PRKCH: variants seen among roughly 807,000 people sequenced by gnomAD.
PRKCH encodes the protein protein kinase C eta type.
In PRKCH, 28 loss-of-function variants were observed where a neutral mutation model predicts 82.5. The ratio of observed to expected loss-of-function variants is 0.34; its 90% CI spans 0.25 to 0.47. The LOEUF is 0.47. Ranked by LOEUF, PRKCH falls within the 20% of genes least tolerant of loss-of-function variation. The pLI is 1.00. For synonymous variants in PRKCH, 322 were observed against 327.4 expected, an observed-to-expected ratio of 0.98 and a Z score of 0.18; for missense variants, 705 against 881.8, an observed-to-expected ratio of 0.80 and a Z score of 2.54.
At chr14:61,269,413 T>A (rs1420041595) in intron 1 of PRKCH, among the ~76,000 whole-genome samples, 1 of 152,186 alleles carries the variant, frequency 6.6e-6, no homozygotes, top group Non-Finnish European at 1.5e-5. Context: ...GTTTGTTACA[T>A]AGGTAAACTC....
intron 10 of PRKCH, among the ~76,000 whole-genome samples, chr14:61,510,721 C>A (rs759528963): frequency 1.3e-5 from 2 of 152,012 alleles, no homozygotes; most frequent in Non-Finnish European, 2.9e-5. Flanking sequence ...GACTCAACTG[C>A]AAGGTAAAGT....
intron 1 of PRKCH, among the ~76,000 whole-genome samples, chr14:61,326,520 G>A (rs541996957): frequency 7.9e-5 from 12 of 152,302 alleles, no homozygotes; most frequent in African/African-American, 2.9e-4. Context: ...TGATTTCACA[G>A]TTATATACAT....
intron 7 of PRKCH, 71 bp downstream of exon 7, chr14:61,453,424 C>T: frequency 1.3e-6 from 2 of 1,509,602 alleles, no homozygotes; most frequent in East Asian, 4.6e-5. Flanking sequence ...CAAATGAGAG[C>T]ATGTGGCCTC....
rs563162608 is a variant in PRKCH, at chr14:61,328,198, C to T, written c.363+5734C>T. 5.0e-5 allele frequency among the ~76,000 whole-genome samples: 7 copies of T among 140,190 alleles called. No homozygotes were observed. The South Asian group carries it at 6.6e-4, about 13-fold the overall frequency. 92.0% of individuals were successfully genotyped at this position (140,190 alleles called of 152,430 possible). On this transcript the variant is annotated intron_variant, in intron 1 of 13. Coordinates refer to ENST00000332981, the MANE Select transcript of PRKCH (RefSeq NM_006255.5). ...CCGGGAAGCGGAGCTTGCAGTGAGC[C>T]GAGATTGCGCCACTGCGGTCCGCAG...
chr14:61,339,010 TACTTAC>T (rs2045894266), intron 1 of PRKCH, among the ~76,000 whole-genome samples: 1 of 152,206 alleles, frequency 6.6e-6, no homozygotes, highest in Non-Finnish European at 1.5e-5. Flanking sequence ...GCCTGAATGA[TACTTAC>T]GTTAAAAGGA....
intron 1 of PRKCH, among the ~76,000 whole-genome samples, chr14:61,357,394 AGTC>A (rs1434815388): frequency 3.3e-5 from 5 of 152,206 alleles, no homozygotes; most frequent in Non-Finnish European, 7.3e-5. Context: ...ACTTATGTGT[AGTC>A]ACAGTTATCT....
At chr14:61,284,800 A>AT (rs2045300262) in intron 1 of PRKCH, among the ~76,000 whole-genome samples, 1 of 152,218 alleles carries the variant, frequency 6.6e-6, no homozygotes, top group Non-Finnish European at 1.5e-5. Context: ...TCTAGTCCAA[A>AT]TACTGCTAAA....
At chr14:61,294,941 T>C (rs2045394267) in intron 1 of PRKCH, among the ~76,000 whole-genome samples, 1 of 152,260 alleles carries the variant, frequency 6.6e-6, no homozygotes, top group African/African-American at 2.4e-5. Context: ...GGTGCGATCT[T>C]GGCTCACTGC....
intron 2 of PRKCH, among the ~76,000 whole-genome samples, chr14:61,417,636 G>A (rs573090378): frequency 5.0e-4 from 76 of 152,184 alleles, no homozygotes; most frequent in African/African-American, 1.6e-3. Context: ...TTTTTCATTC[G>A]GAGACAGTGC....
At chr14:61,463,963 C>G (rs1183417318) in intron 9 of PRKCH, among the ~76,000 whole-genome samples, 1 of 152,232 alleles carries the variant, frequency 6.6e-6, no homozygotes, top group African/African-American at 2.4e-5. Flanking sequence ...TTTGTCCATT[C>G]ATCCACTGGT....
intron 1 of PRKCH, among the ~76,000 whole-genome samples, chr14:61,331,645 G>A (rs761693261): frequency 6.6e-6 from 1 of 152,230 alleles, no homozygotes; most frequent in Non-Finnish European, 1.5e-5. Context: ...TGTGACCTTA[G>A]GCAAGCGTCT....
At chr14:61,346,759 G>A (rs932352037) in intron 1 of PRKCH, among the ~76,000 whole-genome samples, 2 of 152,176 alleles carry the variant, frequency 1.3e-5, no homozygotes, top group Non-Finnish European at 2.9e-5. Flanking sequence ...ATGGGCAAAT[G>A]CTTCACATCT....
At chr14:61,356,041 A>G (rs750696858) in intron 1 of PRKCH, among the ~76,000 whole-genome samples, 1 of 152,140 alleles carries the variant, frequency 6.6e-6, no homozygotes, top group Non-Finnish European at 1.5e-5. Flanking sequence ...CACCCCTTTG[A>G]AGCATCCAGA....
In PRKCH at chr14:61,445,027, A is replaced by G. The variant is rs570916897; in HGVS notation, c.579-665A>G. ...TGGCTTTTTGTGAGGATTAAATGAA[A>G]TGGTATATATCAGCTGCTTGGTTCA... On this transcript the variant is annotated intron_variant, in intron 3 of 13. Coordinates refer to ENST00000332981, the MANE Select transcript of PRKCH (RefSeq NM_006255.5). 2.0e-5 allele frequency among the ~76,000 whole-genome samples: 3 copies of G among 152,316 alleles called. No homozygotes were observed. In the East Asian group the frequency reaches 5.8e-4, roughly 29 times the overall value.
chr14:61,419,346 A>G (rs1038198272), intron 2 of PRKCH, among the ~76,000 whole-genome samples: 1 of 152,204 alleles, frequency 6.6e-6, no homozygotes, highest in Admixed American at 6.5e-5. Flanking sequence ...ACAGAATCCA[A>G]ATACTGAAGG....
At chr14:61,516,244 A>G (rs368118568) in intron 10 of PRKCH, among the ~76,000 whole-genome samples, 1 of 152,154 alleles carries the variant, frequency 6.6e-6, no homozygotes, top group African/African-American at 2.4e-5. Context: ...TATATGGCAC[A>G]GGGCTCCAAA....
At chr14:61,507,403 T>C (rs1887195030) in intron 10 of PRKCH, among the ~76,000 whole-genome samples, 1 of 152,094 alleles carries the variant, frequency 6.6e-6, no homozygotes, top group Non-Finnish European at 1.5e-5. Context: ...CAAATAGAAC[T>C]ATCATATGAC....
intron 1 of PRKCH, among the ~76,000 whole-genome samples, chr14:61,336,605 A>G (rs2045860204): frequency 6.6e-6 from 1 of 152,238 alleles, no homozygotes; most frequent in Non-Finnish European, 1.5e-5. Flanking sequence ...AGGCCTTTGA[A>G]AAGCTGAAGT....
At chr14:61,384,925 A>C (rs1284086447) in intron 1 of PRKCH, among the ~76,000 whole-genome samples, 1 of 152,002 alleles carries the variant, frequency 6.6e-6, no homozygotes, top group Non-Finnish European at 1.5e-5. Context: ...TATGGGTTGA[A>C]ATTCATTATT....
Sources: allele counts gnomAD v4.1 joint callset (sites outside exome capture counted in the v4.1 genomes callset), GRCh38; gene constraint gnomAD v4.1.1; transcripts MANE v1.5; gene names NCBI Gene and HGNC (gene_info 2026-07-23, HGNC 2026-07-21).